The following RGS6 variants were observed in gnomAD, a reference collection of about 807,000 sequenced individuals.
RGS6 encodes the protein regulator of G protein signaling 6, also known as regulator of G-protein signaling 6.
In RGS6, 30 loss-of-function variants were observed where a neutral mutation model predicts 78.5. The ratio of observed to expected loss-of-function variants is 0.38; its 90% CI spans 0.29 to 0.52. The LOEUF (loss-of-function observed/expected upper bound fraction) is 0.52. RGS6 is among the 20% of genes least tolerant of loss of function. RGS6 has a pLI of 0.85. For missense variants in RGS6, 495 were observed against 609.7 expected, an observed-to-expected ratio of 0.81 and a Z score of 1.98; for synonymous variants, 206 against 206.0, an observed-to-expected ratio of 1.00 and a Z score of 0.00.
At chr14:72,340,965 C>T (rs2076876536) in intron 2 of RGS6, among the ~76,000 whole-genome samples, 1 of 152,108 alleles carries the variant, frequency 6.6e-6, no homozygotes, top group Non-Finnish European at 1.5e-5. Flanking sequence ...AGGTATGTGG[C>T]TCTCGTGACT....
At chr14:72,612,666 A>G in the RGS6 span, 1 of 512,338 alleles carries the variant, frequency 2.0e-6, no homozygotes, top group Non-Finnish European at 3.9e-6. Flanking sequence ...CCAAGTCCGT[A>G]TAAACCACAA....
At chr14:72,532,039 C>T (rs1035596218) in intron 15 of RGS6, among the ~76,000 whole-genome samples, 6 of 152,176 alleles carry the variant, frequency 3.9e-5, no homozygotes, top group Non-Finnish European at 2.9e-5. Context: ...CATATACAGG[C>T]ACATCTCGTT....
chr14:72,391,905 A>G (rs1468750394), intron 3 of RGS6, among the ~76,000 whole-genome samples: 1 of 152,210 alleles, frequency 6.6e-6, no homozygotes, highest in Non-Finnish European at 1.5e-5. Context: ...AGCTTCATCC[A>G]TGTCCCTGCA....
At chr14:72,412,102 C>A in intron 3 of RGS6, among the ~76,000 whole-genome samples, 1 of 152,184 alleles carries the variant, frequency 6.6e-6, no homozygotes, top group Non-Finnish European at 1.5e-5. Flanking sequence ...AGGAAGGATT[C>A]CGTCTTTTTC....
intron 3 of RGS6, among the ~76,000 whole-genome samples, chr14:72,352,911 A>G (rs2079402481): frequency 6.6e-6 from 1 of 152,188 alleles, no homozygotes; most frequent in South Asian, 2.1e-4. Flanking sequence ...CAAACAAGTA[A>G]CCAAATAAAT....
At chr14:71,926,603 AAG>A in the RGS6 span, among the ~76,000 whole-genome samples, 4 of 151,662 alleles carry the variant, frequency 2.6e-5, no homozygotes, top group Non-Finnish European at 4.4e-5. Context: ...AAAAAAAAAA[AAG>A]AGTATCAATG....
intron 14 of RGS6, chr14:72,515,995 G>A (rs1480630262): frequency 6.6e-6 from 1 of 152,440 alleles, no homozygotes; most frequent in Non-Finnish European, 1.5e-5. Flanking sequence ...CCAGAAGGTT[G>A]CTTCCAGCCA....
intron 3 of RGS6, among the ~76,000 whole-genome samples, chr14:72,362,376 A>G (rs1015688983): frequency 6.6e-5 from 10 of 152,240 alleles, no homozygotes; most frequent in Non-Finnish European, 1.5e-4. Context: ...CCCACAAACT[A>G]TAATTGCTTA....
chr14:71,984,070 G>C (rs2094577259), intron 2 of RGS6, among the ~76,000 whole-genome samples: 1 of 152,070 alleles, frequency 6.6e-6, no homozygotes, highest in Admixed American at 6.6e-5. Flanking sequence ...ATAAGCTTTG[G>C]TTGGCCACCT....
At chr14:72,434,364 A>C (rs1447237993) in intron 3 of RGS6, among the ~76,000 whole-genome samples, 1 of 152,244 alleles carries the variant, frequency 6.6e-6, no homozygotes, top group Non-Finnish European at 1.5e-5. Context: ...TAATTTTTTA[A>C]AAAATGTTTT....
intron 2 of RGS6, among the ~76,000 whole-genome samples, chr14:72,134,844 C>T (rs538643590): frequency 1.1e-4 from 17 of 152,240 alleles, no homozygotes; most frequent in African/African-American, 3.8e-4. Flanking sequence ...GAGTGAATTC[C>T]CCCTTTCCCC....
chr14:72,397,268 C>T (rs1354793965), intron 3 of RGS6, among the ~76,000 whole-genome samples: 1 of 152,074 alleles, frequency 6.6e-6, no homozygotes, highest in Non-Finnish European at 1.5e-5. Flanking sequence ...CCTTCACATC[C>T]CTTGTAAGTT....
intron 2 of RGS6, among the ~76,000 whole-genome samples, chr14:72,175,980 T>C (rs556030884): frequency 1.1e-4 from 16 of 152,264 alleles, no homozygotes; most frequent in Non-Finnish European, 1.3e-4. Flanking sequence ...GCTCCCCAAG[T>C]TCACCACCAG....
intron 2 of RGS6, among the ~76,000 whole-genome samples, chr14:71,965,545 C>A (rs540104000): frequency 1.3e-5 from 2 of 152,270 alleles, no homozygotes; most frequent in Admixed American, 6.5e-5. Flanking sequence ...GCAACCGGAA[C>A]TGGTTAGCTT....
At chr14:72,582,945 T>A in the RGS6 span, among the ~76,000 whole-genome samples, 445 of 142,398 alleles carry the variant, frequency 3.1e-3, 2 homozygotes, top group Non-Finnish European at 4.2e-3. Context: ...GTGGACTGAG[T>A]AAAAAAAAAA....
Position 72,249,842 on chromosome 14 carries a change from A to T in RGS6, c.85-102253A>T, listed in dbSNP as rs558142863. 2.6e-5 allele frequency among the ~76,000 whole-genome samples: 4 copies of T among 152,164 alleles called. No individual in the cohort carries two copies. The South Asian group carries it at 8.3e-4, about 32-fold the overall frequency. ...ATAGCAAAGACTTGGAACCAACCCA[A>T]ATGTCCAACAATGATAGACTGGATT... On this transcript the variant is annotated intron_variant, in intron 2 of 17. Coordinates refer to ENST00000553525, the MANE Select transcript of RGS6 (RefSeq NM_001204424.2).
At chr14:72,378,546 G>T (rs111983411) in intron 3 of RGS6, among the ~76,000 whole-genome samples, 1 of 151,924 alleles carries the variant, frequency 6.6e-6, no homozygotes, top group African/African-American at 2.4e-5. Context: ...ACAAAGGATC[G>T]TTAGAGACTA....
intron 2 of RGS6, among the ~76,000 whole-genome samples, chr14:72,014,797 G>A (rs757598): frequency 0.91 from 137,792 of 152,200 alleles, 62,599 homozygotes; most frequent in East Asian, 0.98. Flanking sequence ...TTGAAAGACA[G>A]TGTTTTAGAT....
intron 2 of RGS6, among the ~76,000 whole-genome samples, chr14:72,126,923 T>A (rs570992672): frequency 6.6e-6 from 1 of 152,134 alleles, no homozygotes; most frequent in Admixed American, 6.5e-5. Context: ...TCATCTCTCA[T>A]CTCATCTCGC....
Sources: allele counts gnomAD v4.1 joint callset (sites outside exome capture counted in the v4.1 genomes callset), GRCh38; gene constraint gnomAD v4.1.1; transcripts MANE v1.5; gene names NCBI Gene and HGNC (gene_info 2026-07-23, HGNC 2026-07-21).